The following PTGS1 variants were observed in gnomAD, a reference collection of about 807,000 sequenced individuals.
PTGS1 encodes the protein prostaglandin-endoperoxide synthase 1.
A neutral mutation model predicts 63.0 loss-of-function variants in PTGS1; 40 were observed. That is an observed-to-expected ratio of 0.63 (90% CI 0.49 to 0.83). The LOEUF is 0.83. Ranked by LOEUF, PTGS1 falls within the 40% of genes least tolerant of loss-of-function variation. PTGS1 has a pLI of 0.00. For missense variants in PTGS1, 709 were observed against 786.5 expected, an observed-to-expected ratio of 0.90 and a Z score of 1.18; for synonymous variants, 298 against 301.9, an observed-to-expected ratio of 0.99 and a Z score of 0.13.
intron 2 of PTGS1, chr9:122,371,833 C>T: frequency 6.6e-7 from 1 of 1,524,552 alleles, no homozygotes; most frequent in Non-Finnish European, 8.8e-7. Flanking sequence ...AACCGAGGCT[C>T]AGTAGGTGCC....
intron 2 of PTGS1, among the ~76,000 whole-genome samples, chr9:122,375,801 G>A (rs549957213): frequency 6.6e-6 from 1 of 152,260 alleles, no homozygotes; most frequent in African/African-American, 2.4e-5. Flanking sequence ...GCTAAGGGAG[G>A]GGCTGGCGCA....
chr9:122,389,974 CAAAA>C (rs951080998), intron 9 of PTGS1, among the ~76,000 whole-genome samples: 1 of 147,366 alleles, frequency 6.8e-6, no homozygotes, highest in Non-Finnish European at 1.5e-5. Flanking sequence ...AAAAAACCCA[CAAAA>C]AAAAAATGAG....
At position 122,383,562 on chromosome 9, in the gene PTGS1, G is replaced by C; in HGVS notation, c.816G>C (p.Met272Ile). ...CGGTAGAAGAGGCGCCTGTGTTGATGCACTACCCCCGAGGCATCCCGCCCC... is the reference window on the plus strand; with the variant it reads ...CGGTAGAAGAGGCGCCTGTGTTGATCCACTACCCCCGAGGCATCCCGCCCC... ...PPSVEEAPVL[M>I]HYPRGIPPQS... Residue 272 changes from methionine to isoleucine, a missense_variant, in exon 8 of 11, where the codon ATG becomes ATC. Met to Ile is a conservative substitution (Grantham distance 10). Coordinates refer to ENST00000362012, the MANE Select transcript of PTGS1 (RefSeq NM_000962.4). 1 of 1,614,094 alleles carries C rather than the reference G, an allele frequency of 6.2e-7. No homozygotes were observed. The highest frequency in any genetic ancestry group is 8.5e-7 in the Non-Finnish European group (1 of 1,179,990).
In PTGS1 at chr9:122,381,523, C is replaced by G. The variant is rs377116298; in HGVS notation, c.649C>G (p.Pro217Ala). The change falls in exon 6 of 11, where the codon CCT (proline) becomes GCT (alanine). Residue 217 changes from proline to alanine, a missense_variant. Pro to Ala is a conservative substitution (Grantham distance 27, BLOSUM62 -1). Coordinates refer to ENST00000362012, the MANE Select transcript of PTGS1 (RefSeq NM_000962.4). ...QFFKTSGKMG[P>A]GFTKALGHGV... Reference sequence around the variant, plus strand: ...CTTCAAAACTTCTGGCAAGATGGGTCCTGGCTTCACCAAGGCCTTGGGCCA... The same window carrying G: ...CTTCAAAACTTCTGGCAAGATGGGTGCTGGCTTCACCAAGGCCTTGGGCCA... 1.2e-6 allele frequency: 2 copies of G among 1,614,200 alleles called. No homozygotes were observed. The highest frequency in any genetic ancestry group is 1.7e-6 in the Non-Finnish European group (2 of 1,180,034).
chr9:122,380,469 AT>A lies in PTGS1; in HGVS notation c.497-901del, dbSNP rs557534646. On this transcript the variant is annotated intron_variant, in intron 5 of 10. Transcript: ENST00000362012. Reference sequence around the variant, plus strand: ...AATAGAGTGAGACCCTGTCTCAAAAATAAATAAATAAATAAATAAATAAATA... The same window carrying A: ...AATAGAGTGAGACCCTGTCTCAAAAAAAATAAATAAATAAATAAATAAATA... Among the ~76,000 whole-genome samples the A allele has an allele frequency of 4.5e-3, 419 of 93,984 alleles. 3 individuals are homozygous for A. The highest frequency in any genetic ancestry group is 0.018 in the African/African-American group (389 of 21,268). The allele number at this position is 93,984 out of a possible 152,430, so 61.7% of individuals were successfully genotyped here.
At position 122,378,543 on chromosome 9, in the gene PTGS1, C is replaced by T. The variant is rs200837579; in HGVS notation, c.322C>T (p.Arg108Ter). The T allele has an allele frequency of 2.6e-5, 42 of 1,614,088 alleles. No individual in the cohort carries two copies. Among genetic ancestry groups the T allele is most frequent in the Admixed American group, 6.7e-5 (4 of 60,008 alleles). ...FWEFVNATFI[R>*]EMLMRLVLTV... ...GGAGTTTGTCAATGCCACCTTCATC[C>T]GAGAGATGCTCATGCGCCTGGTACT... The change falls in exon 4 of 11, where the codon CGA (arginine) becomes TGA (stop). Residue 108 changes from arginine (R) to a stop codon, truncating the protein, a stop_gained. Coordinates refer to ENST00000362012, the MANE Select transcript of PTGS1 (RefSeq NM_000962.4). LOFTEE classifies it high-confidence loss of function.
intron 2 of PTGS1, 132 bp from the exon 3 acceptor site, chr9:122,377,767 T>C (rs1258703071): frequency 1.3e-6 from 1 of 762,772 alleles, no homozygotes; most frequent in African/African-American, 1.7e-5. Context: ...CCTGAAGCCC[T>C]GGCACCCAGT....
intron 2 of PTGS1, 128 bp downstream of exon 2, chr9:122,371,400 G>T (rs1402824608): frequency 1.4e-6 from 2 of 1,463,344 alleles, no homozygotes; most frequent in East Asian, 4.9e-5. Flanking sequence ...AAAGACTGAG[G>T]CTGAGTCTTT....
upstream of PTGS1, chr9:122,370,943 G>GCAGCC: frequency 7.4e-7 from 1 of 1,352,278 alleles, no homozygotes; most frequent in African/African-American, 1.5e-5. Context: ...AAGTAAGCGG[G>GCAGCC]CAGCCGAGGT....
chr9:122,392,671 T>G lies in PTGS1; in HGVS notation c.*127T>G. On this transcript the variant is annotated 3_prime_UTR_variant, in exon 11 of 11. Coordinates refer to ENST00000362012, the MANE Select transcript of PTGS1 (RefSeq NM_000962.4). The stretch of plus-strand genomic sequence containing the variant: ...CATGGTGAGTGTTGGGGTTGACATT[T>G]AGAACTTTAAGTCTCACCCATTATC... 1.3e-6 allele frequency: 1 copy of G among 780,688 alleles called. No individual in the cohort carries two copies. The highest frequency in any genetic ancestry group is 2.0e-6 in the Non-Finnish European group (1 of 499,082). The allele number at this position is 780,688 out of a possible 1,614,324, so 48.4% of individuals were successfully genotyped here.
chr9:122,385,523 C>T (rs986380477), intron 8 of PTGS1, among the ~76,000 whole-genome samples: 2 of 151,654 alleles, frequency 1.3e-5, no homozygotes, highest in South Asian at 2.1e-4. Flanking sequence ...TTTTCCCTGG[C>T]TTTTTGCTTT....
chr9:122,386,493 G>A lies in PTGS1; in HGVS notation c.1057G>A (p.Gly353Ser). 5 of 1,614,192 alleles carry A rather than the reference G, an allele frequency of 3.1e-6. No homozygotes were observed. The highest frequency in any genetic ancestry group is 4.2e-6 in the Non-Finnish European group (5 of 1,180,022). ...VIEEYVQQLS[G>S]YFLQLKFDPE... ...CGAGGAGTACGTGCAGCAGCTGAGTGGCTATTTCCTGCAGCTGAAATTTGA... is the reference window on the plus strand; with the variant it reads ...CGAGGAGTACGTGCAGCAGCTGAGTAGCTATTTCCTGCAGCTGAAATTTGA... The change falls in exon 9 of 11, where the codon GGC becomes AGC. Residue 353 changes from glycine to serine, a missense_variant. Gly to Ser is a moderately conservative substitution (Grantham distance 56, BLOSUM62 0). Transcript: ENST00000362012.
chr9:122,380,480 A>G (rs889979280), intron 5 of PTGS1, among the ~76,000 whole-genome samples: 5 of 146,494 alleles, frequency 3.4e-5, no homozygotes, highest in Non-Finnish European at 7.7e-5. Flanking sequence ...TAAATAAATA[A>G]ATAAATAAAT....
rs1262755976 is a variant in PTGS1, at chr9:122,381,751, G to T, written c.762+4G>T. 3.1e-6 allele frequency: 5 copies of T among 1,595,002 alleles called. No homozygotes were observed. In the South Asian group the frequency reaches 4.4e-5, roughly 14 times the overall value. Reference sequence around the variant, plus strand: ...GGATGGGAAACTCAAGTACCAGGTAGTGCTGGGCCAGGGGGTAGGGCAGAG... The same window carrying T: ...GGATGGGAAACTCAAGTACCAGGTATTGCTGGGCCAGGGGGTAGGGCAGAG... On this transcript the variant is annotated splice_donor_region_variant and intron_variant, in intron 7 of 10. Coordinates refer to ENST00000362012, the MANE Select transcript of PTGS1 (RefSeq NM_000962.4).
intron 2 of PTGS1, among the ~76,000 whole-genome samples, chr9:122,374,872 T>C (rs977384665): frequency 2.0e-5 from 3 of 152,096 alleles, no homozygotes; most frequent in Admixed American, 6.6e-5. Flanking sequence ...GGAGATTAAG[T>C]CTTGGCTCCG....
chr9:122,378,764 G>T lies in PTGS1; in HGVS notation c.353-11G>T. ...AAACACCCTTGTCACCGTTATTTTT[G>T]CTCTCTGCAGTGCGCTCCAACCTTA... On this transcript the variant is annotated splice_polypyrimidine_tract_variant and intron_variant, in intron 4 of 10. Coordinates refer to ENST00000362012, the MANE Select transcript of PTGS1 (RefSeq NM_000962.4). 6.2e-7 allele frequency: 1 copy of T among 1,613,874 alleles called. No homozygotes were observed. Among genetic ancestry groups the T allele is most frequent in the Non-Finnish European group, 8.5e-7 (1 of 1,179,852 alleles).
At chr9:122,371,974 G>T in intron 2 of PTGS1, 1 of 650,928 alleles carries the variant, frequency 1.5e-6, no homozygotes, top group Non-Finnish European at 2.7e-6. Flanking sequence ...AGCCACTCTG[G>T]GTTTCATGGG....
At position 122,394,768 on chromosome 9, in the gene PTGS1, G is replaced by C. The variant is rs199806478; in HGVS notation, c.*2224G>C. 6 of 152,156 alleles carry C rather than the reference G, an allele frequency of 3.9e-5. No individual in the cohort carries two copies. Among genetic ancestry groups the C allele is most frequent in the African/African-American group, 1.4e-4 (6 of 41,402 alleles). The allele number at this position is 152,156 out of a possible 1,614,324, so 9.4% of individuals were successfully genotyped here. A position where few individuals can be genotyped will look rare whatever the true frequency, so the allele number is the denominator to read the frequency against. ...TCATCCCCACAGCTGGCTCTGACAAGATGGTCCATTTGTTCCTGCTTCCGA... is the reference window on the plus strand; with the variant it reads ...TCATCCCCACAGCTGGCTCTGACAACATGGTCCATTTGTTCCTGCTTCCGA... On this transcript the variant is annotated 3_prime_UTR_variant, in exon 11 of 11. Transcript: ENST00000362012.
At chr9:122,383,879 G>T (rs1185915017) in intron 8 of PTGS1, 124 bp downstream of exon 8, 1 of 1,359,410 alleles carries the variant, frequency 7.4e-7, no homozygotes, top group South Asian at 1.4e-5. Flanking sequence ...TTAGTGGCTA[G>T]AAGACCTTGA....
Sources: gnomAD v4.1 joint callset for allele counts (sites outside exome capture counted in the v4.1 genomes callset) on GRCh38, gnomAD v4.1.1 for gene constraint, MANE v1.5 for transcripts, NCBI Gene and HGNC (gene_info 2026-07-23, HGNC 2026-07-21) for gene names.